The following ELOVL4 variants were observed in gnomAD, a reference collection of about 807,000 sequenced individuals.
ELOVL4 encodes the protein very long chain fatty acid elongase 4.
Under a neutral mutation model 42.1 loss-of-function variants are expected in ELOVL4, and 18 were observed. The ratio of observed to expected loss-of-function variants is 0.43; its 90% CI spans 0.30 to 0.63. ELOVL4 has a LOEUF of 0.63. Among genes scored for constraint, ELOVL4 ranks in the 30% least tolerant of loss-of-function variants. The probability of loss-of-function intolerance (pLI) is 0.15; values close to 1 mark genes in which losing one functional copy is unlikely to be tolerated. For missense variants in ELOVL4, 299 were observed against 376.2 expected (o/e 0.79, Z 1.70); for synonymous variants, 117 against 127.0 (o/e 0.92, Z 0.53).
intron 1 of ELOVL4, among the ~76,000 whole-genome samples, chr6:79,945,950 C>A (rs1774733249): frequency 1.3e-5 from 2 of 152,162 alleles, no homozygotes; most frequent in South Asian, 4.1e-4. Context: ...AGTATTAATG[C>A]CAAATAATCA....
At chr6:79,927,906 G>A (rs1402512326) in intron 1 of ELOVL4, among the ~76,000 whole-genome samples, 1 of 152,138 alleles carries the variant, frequency 6.6e-6, no homozygotes, top group Non-Finnish European at 1.5e-5. Context: ...CTTCTCACAA[G>A]GAGGAAATGA....
At chr6:79,933,236 G>A (rs1774481575) in intron 1 of ELOVL4, among the ~76,000 whole-genome samples, 1 of 152,014 alleles carries the variant, frequency 6.6e-6, no homozygotes, top group Admixed American at 6.5e-5. Flanking sequence ...TTGTTTGTTT[G>A]TTTGTTTGTT....
At chr6:79,928,240 G>A (rs928091159) in intron 1 of ELOVL4, among the ~76,000 whole-genome samples, 3 of 152,184 alleles carry the variant, frequency 2.0e-5, no homozygotes, top group South Asian at 2.1e-4. Flanking sequence ...TAAGGCAGGC[G>A]CTGTTTTTCC....
At chr6:79,926,402 C>T in intron 1 of ELOVL4, 21 bp from the exon 2 acceptor site, 1 of 1,602,620 alleles carries the variant, frequency 6.2e-7, no homozygotes. Flanking sequence ...AACAAAATAC[C>T]ATAAAATTCA....
intron 1 of ELOVL4, among the ~76,000 whole-genome samples, chr6:79,928,426 T>A (rs343633): frequency 0.072 from 10,936 of 151,650 alleles, 1,262 homozygotes; most frequent in African/African-American, 0.25. Context: ...GAGTAGCGGG[T>A]AGAAAAAAAA....
At chr6:79,942,633 T>C (rs1774667027) in intron 1 of ELOVL4, among the ~76,000 whole-genome samples, 1 of 152,212 alleles carries the variant, frequency 6.6e-6, no homozygotes, top group African/African-American at 2.4e-5. Flanking sequence ...TCTGATATAA[T>C]TATCTGCATA....
intron 1 of ELOVL4, among the ~76,000 whole-genome samples, chr6:79,943,978 CAACA>C (rs1316966866): frequency 1.3e-5 from 2 of 152,164 alleles, no homozygotes; most frequent in Non-Finnish European, 2.9e-5. Flanking sequence ...CACCCCCAAC[CAACA>C]GACAGCACCC....
chr6:79,934,246 T>C (rs756152130), intron 1 of ELOVL4, among the ~76,000 whole-genome samples: 16 of 151,944 alleles, frequency 1.1e-4, no homozygotes, highest in African/African-American at 3.9e-4. Context: ...CTGAGGACAG[T>C]TGAAGATGAG....
intron 1 of ELOVL4, among the ~76,000 whole-genome samples, chr6:79,936,659 TAACA>T (rs755331128): frequency 3.8e-4 from 58 of 152,324 alleles, no homozygotes; most frequent in Non-Finnish European, 6.9e-4. Context: ...AGCTTATTTC[TAACA>T]AACGGAGTAA....
rs115722409 is a variant in ELOVL4 at position 79,923,074 on chromosome 6, C to A, written c.370-1278G>T. ...GAAGGAAAGATACAATCTCTTATTT[C>A]TCCTCTATCTGGACCTCTACATTTG... is the stretch of plus-strand genomic sequence containing the variant. On this transcript the variant is annotated intron_variant, in intron 3 of 5. Coordinates refer to ENST00000369816, the MANE Select transcript of ELOVL4 (RefSeq NM_022726.4). 5.7e-3 allele frequency among the ~76,000 whole-genome samples: 867 copies of A among 152,256 alleles called. 8 individuals carry two copies. Among genetic ancestry groups the A allele is most frequent in the African/African-American group, 0.02 (816 of 41,556 alleles).
At position 79,921,565 on chromosome 6, in the gene ELOVL4, C is replaced by T. The variant is rs45466000; in HGVS notation, c.541+60G>A. On this transcript the variant is annotated intron_variant, in intron 4 of 5. Transcript: ENST00000369816. ...AAGTCAAAGTCCTAGGTTCTCATTG[C>T]TTTCCACTGAACACATATATGCAAT... 0.039 allele frequency: 54,863 copies of T among 1,421,798 alleles called. 1,139 individuals carry two copies. Among genetic ancestry groups the T allele is most frequent in the Non-Finnish European group, 0.044 (44,887 of 1,027,544 alleles). 88.1% of individuals were successfully genotyped at this position (1,421,798 alleles called of 1,614,324 possible).
intron 3 of ELOVL4, among the ~76,000 whole-genome samples, chr6:79,924,404 G>C (rs1774310017): frequency 1.3e-5 from 2 of 152,054 alleles, no homozygotes; most frequent in South Asian, 4.1e-4. Context: ...CTGCATTCTA[G>C]TAATTCAATG....
chr6:79,917,425 GATACA>G (rs1320542908), intron 5 of ELOVL4, among the ~76,000 whole-genome samples: 1 of 152,134 alleles, frequency 6.6e-6, no homozygotes, highest in Non-Finnish European at 1.5e-5. Context: ...TCAGCAAGCA[GATACA>G]CATACTTAAA....
At chr6:79,925,984 T>C (rs1774335947) in intron 2 of ELOVL4, among the ~76,000 whole-genome samples, 3 of 152,196 alleles carry the variant, frequency 2.0e-5, no homozygotes, top group South Asian at 2.1e-4. Context: ...TAGAATCCAG[T>C]TGGTCTTATT....
In ELOVL4 at chr6:79,928,727, GTTTTTTTTTTT is replaced by G. The variant is rs34673896; in HGVS notation, c.101-2357_101-2347del. On this transcript the variant is annotated intron_variant, in intron 1 of 5. Coordinates refer to ENST00000369816, the MANE Select transcript of ELOVL4 (RefSeq NM_022726.4). Reference sequence around the variant, plus strand: ...TACCAGTAAGTAGACTGGTGACTGGGTTTTTTTTTTTTTTTTTTTTTTTTTTTTAAGAAATG... The same window carrying G: ...TACCAGTAAGTAGACTGGTGACTGGGTTTTTTTTTTTTTTTTTAAGAAATG... Among the ~76,000 whole-genome samples, 60 of 75,610 alleles carry G rather than the reference GTTTTTTTTTTT, an allele frequency of 7.9e-4. 1 individual carries two copies. The highest frequency in any genetic ancestry group is 3.7e-3 in the African/African-American group (58 of 15,722). 49.6% of individuals were successfully genotyped at this position (75,610 alleles called of 152,430 possible).
chr6:79,923,924 T>C (rs1486374579), intron 3 of ELOVL4, among the ~76,000 whole-genome samples: 1 of 152,170 alleles, frequency 6.6e-6, no homozygotes, highest in African/African-American at 2.4e-5. Context: ...TATTTATATA[T>C]TGTCCACTCC....
Position 79,925,044 on chromosome 6 carries a change from G to C in ELOVL4, c.289-12C>G. 1 of 1,552,514 alleles carries C rather than the reference G, an allele frequency of 6.4e-7. No homozygotes were observed. The highest frequency in any genetic ancestry group is 1.1e-5 in the South Asian group (1 of 89,688). ...GATCCCATGAATAACTGGAAAAAGA[G>C]TAATAATATTTGTAGTAAAGTTTTA... On this transcript the variant is annotated splice_polypyrimidine_tract_variant and intron_variant, in intron 2 of 5. Transcript: ENST00000369816.
intron 1 of ELOVL4, among the ~76,000 whole-genome samples, chr6:79,943,994 T>A (rs1355016206): frequency 1.3e-5 from 2 of 152,146 alleles, no homozygotes; most frequent in Non-Finnish European, 2.9e-5. Flanking sequence ...ACAGCACCCA[T>A]ACCCTGTGAA....
intron 1 of ELOVL4, among the ~76,000 whole-genome samples, chr6:79,939,322 T>C (rs1774600939): frequency 1.3e-5 from 2 of 152,042 alleles, no homozygotes; most frequent in Non-Finnish European, 2.9e-5. Context: ...AAATATACCA[T>C]CTTAATCATT....
Sources: gnomAD v4.1 joint callset for allele counts (sites outside exome capture counted in the v4.1 genomes callset) on GRCh38, gnomAD v4.1.1 for gene constraint, MANE v1.5 for transcripts, NCBI Gene and HGNC (gene_info 2026-07-23, HGNC 2026-07-21) for gene names.